The following PCDH15 variants were observed in gnomAD, a reference collection of about 807,000 sequenced individuals.
PCDH15 encodes protocadherin related 15, also known as protocadherin-15.
A neutral mutation model predicts 178.5 loss-of-function variants in PCDH15; 129 were observed. The ratio of observed to expected loss-of-function variants is 0.72; its 90% CI spans 0.63 to 0.84. PCDH15 has a LOEUF of 0.84. Among genes scored for constraint, PCDH15 ranks in the 40% least tolerant of loss-of-function variants. The pLI, the probability that PCDH15 is intolerant of heterozygous loss-of-function variation, is 0.00. For missense variants in PCDH15, 2,230 were observed against 2,099.9 expected (o/e 1.06, Z -1.21); for synonymous variants, 800 against 732.0 (o/e 1.09, Z -1.50).
intron 2 of PCDH15, among the ~76,000 whole-genome samples, chr10:55,581,198 T>G (rs1842607627): frequency 6.6e-6 from 1 of 152,168 alleles, no homozygotes; most frequent in Admixed American, 6.5e-5. Context: ...CTTTTTTAAA[T>G]GTTTAGTTTA....
intron 1 of PCDH15, among the ~76,000 whole-genome samples, chr10:55,270,791 T>C (rs1842424568): frequency 6.6e-6 from 1 of 151,458 alleles, no homozygotes; most frequent in Non-Finnish European, 1.5e-5. Flanking sequence ...ACTGAGTATG[T>C]ACCCAAAGGA....
intron 1 of PCDH15, among the ~76,000 whole-genome samples, chr10:54,742,510 C>T (rs765008614): frequency 5.9e-5 from 9 of 151,818 alleles, no homozygotes; most frequent in South Asian, 2.1e-4. Context: ...TAATGTAGAT[C>T]GTTGAATGTT....
intron 2 of PCDH15, among the ~76,000 whole-genome samples, chr10:54,626,067 G>A (rs1266515199): frequency 2.0e-5 from 3 of 152,100 alleles, no homozygotes; most frequent in African/African-American, 7.2e-5. Flanking sequence ...GAGATTTGTG[G>A]AACTTTGAAC....
intron 2 of PCDH15, among the ~76,000 whole-genome samples, chr10:55,413,024 G>A (rs533991737): frequency 6.6e-6 from 1 of 151,456 alleles, no homozygotes; most frequent in East Asian, 1.9e-4. Flanking sequence ...AATGATGACC[G>A]TCATCTAACA....
At chr10:54,548,864 A>G (rs1203367685) in intron 2 of PCDH15, among the ~76,000 whole-genome samples, 1 of 151,050 alleles carries the variant, frequency 6.6e-6, no homozygotes, top group East Asian at 1.9e-4. Context: ...CCTGGGGTTT[A>G]TTGTGTAGGG....
chr10:55,089,440 AT>A (rs1176918212), intron 2 of PCDH15, among the ~76,000 whole-genome samples: 2 of 152,088 alleles, frequency 1.3e-5, no homozygotes, highest in Non-Finnish European at 2.9e-5. Context: ...ATGTTACCAC[AT>A]TTTTTTCAAG....
intron 5 of PCDH15, among the ~76,000 whole-genome samples, chr10:54,363,294 T>C (rs1731034753): frequency 6.6e-6 from 1 of 152,178 alleles, no homozygotes; most frequent in Admixed American, 6.6e-5. Flanking sequence ...ACAAGAGTCA[T>C]AAAATATGCA....
chr10:53,997,475 A>T (rs1300423281), intron 20 of PCDH15, among the ~76,000 whole-genome samples: 1 of 152,104 alleles, frequency 6.6e-6, no homozygotes, highest in Non-Finnish European at 1.5e-5. Flanking sequence ...GGAGCCCAAC[A>T]CTGCAATGTT....
chr10:54,320,013 T>C (rs1206074146), intron 7 of PCDH15, among the ~76,000 whole-genome samples: 1 of 152,082 alleles, frequency 6.6e-6, no homozygotes, highest in African/African-American at 2.4e-5. Context: ...CAGACTGCGA[T>C]AAAATTATAG....
intron 21 of PCDH15, among the ~76,000 whole-genome samples, chr10:53,968,033 G>C (rs1156516180): frequency 2.6e-5 from 4 of 152,024 alleles, no homozygotes; most frequent in Non-Finnish European, 5.9e-5. Context: ...AGTGGGTGCA[G>C]CCCATGGAGC....
intron 2 of PCDH15, among the ~76,000 whole-genome samples, chr10:55,127,988 G>A (rs1410666899): frequency 6.6e-6 from 1 of 152,000 alleles, no homozygotes; most frequent in African/African-American, 2.4e-5. Context: ...AAAAAGCAAA[G>A]TCTCTTTCTC....
At chr10:55,498,643 A>G (rs1438356334) in intron 2 of PCDH15, among the ~76,000 whole-genome samples, 1 of 151,886 alleles carries the variant, frequency 6.6e-6, no homozygotes, top group Non-Finnish European at 1.5e-5. Flanking sequence ...GCTCAGTACT[A>G]TATAAGTAGC....
chr10:55,040,724 T>C (rs1840846212), intron 2 of PCDH15, among the ~76,000 whole-genome samples: 1 of 152,150 alleles, frequency 6.6e-6, no homozygotes, highest in South Asian at 2.1e-4. Flanking sequence ...TAGAAAATAA[T>C]ATCTTGAGGT....
At chr10:54,735,046 C>T (rs1413810846) in intron 1 of PCDH15, among the ~76,000 whole-genome samples, 2 of 151,882 alleles carry the variant, frequency 1.3e-5, no homozygotes, top group East Asian at 3.9e-4. Context: ...TACATTTCAA[C>T]TTATTATATG....
chr10:54,920,340 G>A (rs1052504367), intron 2 of PCDH15, among the ~76,000 whole-genome samples: 23 of 151,800 alleles, frequency 1.5e-4, no homozygotes, highest in African/African-American at 5.5e-4. Flanking sequence ...CATGGTGGCG[G>A]GCACCTGTAG....
chr10:55,214,633 T>C (rs558959748), intron 1 of PCDH15, among the ~76,000 whole-genome samples: 3 of 152,010 alleles, frequency 2.0e-5, no homozygotes, highest in Admixed American at 6.6e-5. Context: ...ACTTTATGTT[T>C]CATGGACTGT....
intron 25 of PCDH15, among the ~76,000 whole-genome samples, chr10:53,930,640 A>T (rs1206295850): frequency 6.6e-6 from 1 of 152,066 alleles, no homozygotes; most frequent in Non-Finnish European, 1.5e-5. Flanking sequence ...TCAGCAAAGG[A>T]GGACCTTCAG....
At chr10:55,334,088 G>A (rs981489642) in intron 2 of PCDH15, among the ~76,000 whole-genome samples, 6 of 150,026 alleles carry the variant, frequency 4.0e-5, no homozygotes, top group Admixed American at 6.7e-5. Flanking sequence ...CTTCTAGCAC[G>A]CCACTTCAAG....
intron 2 of PCDH15, among the ~76,000 whole-genome samples, chr10:55,114,539 C>T (rs1837584022): frequency 6.6e-6 from 1 of 152,168 alleles, no homozygotes; most frequent in African/African-American, 2.4e-5. Flanking sequence ...CTGGATTTTC[C>T]AGCTCCCTTG....
Sources: allele counts gnomAD v4.1 joint callset (sites outside exome capture counted in the v4.1 genomes callset), GRCh38; gene constraint gnomAD v4.1.1; transcripts MANE v1.5; gene names NCBI Gene and HGNC (gene_info 2026-07-23, HGNC 2026-07-21).